Variants in PCDHGA3 observed in about 807,000 individuals in gnomAD.
PCDHGA3 encodes protocadherin gamma subfamily A, 3, also known as protocadherin gamma-A3.
In PCDHGA3, 40 loss-of-function variants were observed where a neutral mutation model predicts 58.5. The observed-to-expected ratio is 0.68, with a 90% confidence interval of 0.53 to 0.89. The LOEUF is 0.89. Ranked by LOEUF, PCDHGA3 falls within the 40% of genes least tolerant of loss-of-function variation. The pLI, the probability that PCDHGA3 is intolerant of heterozygous loss-of-function variation, is 0.00. For missense variants in PCDHGA3, 1,223 were observed against 1,195.9 expected (o/e 1.02, Z -0.33); for synonymous variants, 530 against 525.7 (o/e 1.01, Z -0.11).
In PCDHGA3 at chr5:141,431,814, T is replaced by C. The variant is rs1300319049; in HGVS notation, c.2425-62993T>C. 1 of 1,614,246 alleles carries C rather than the reference T, an allele frequency of 6.2e-7. No homozygotes were observed. Among genetic ancestry groups the C allele is most frequent in the Non-Finnish European group, 8.5e-7 (1 of 1,180,044 alleles). ...GCCCCAGAAGTGGTCCTCACCTCTC[T>C]CGCCAGCTCGGTTCCCGAAAACTCT... On this transcript the variant is annotated intron_variant, in intron 1 of 3. Coordinates refer to ENST00000253812, the MANE Select transcript of PCDHGA3 (RefSeq NM_018916.4). The surrounding 1 kb of genome is among the most constrained non-coding windows in gnomAD (Gnocchi z 4.8).
intron 1 of PCDHGA3, chr5:141,427,502 G>A (rs1276688816): frequency 1.7e-6 from 1 of 576,718 alleles, no homozygotes; most frequent in East Asian, 4.0e-5. Flanking sequence ...TAACAGATGG[G>A]ACCCTGGATT....
At chr5:141,401,721 C>T (rs2094186897) in intron 1 of PCDHGA3, among the ~76,000 whole-genome samples, 1 of 152,142 alleles carries the variant, frequency 6.6e-6, no homozygotes, top group Non-Finnish European at 1.5e-5. Flanking sequence ...AAGACAAAAA[C>T]TACTAGTCTT....
At chr5:141,413,355 C>G in intron 1 of PCDHGA3, 1 of 1,613,952 alleles carries the variant, frequency 6.2e-7, no homozygotes, top group Non-Finnish European at 8.5e-7. Context: ...GTCTGGCGCC[C>G]CGGGAGCTGG....
chr5:141,418,663 C>T, intron 1 of PCDHGA3: 1 of 1,613,960 alleles, frequency 6.2e-7, no homozygotes, highest in South Asian at 1.1e-5. Flanking sequence ...AGGCCACTGA[C>T]CAGGACGAGG....
chr5:141,353,837 G>A (rs1434826134), intron 1 of PCDHGA3, among the ~76,000 whole-genome samples: 1 of 152,124 alleles, frequency 6.6e-6, no homozygotes, highest in East Asian at 1.9e-4. Flanking sequence ...TGCGGTCTTT[G>A]AGGATTGTGA....
intron 1 of PCDHGA3, chr5:141,426,519 C>T: frequency 8.8e-6 from 3 of 341,848 alleles, no homozygotes; most frequent in South Asian, 6.9e-5. Flanking sequence ...TTACCGTGAA[C>T]ACGGAGAATG....
Position 141,431,325 on chromosome 5 carries a change from G to GT in PCDHGA3, c.2425-63481dup, listed in dbSNP as rs1340996903. On this transcript the variant is annotated intron_variant, in intron 1 of 3. Transcript: ENST00000253812. This position sits in a 1 kb window ranked among gnomAD's most constrained non-coding sequence, Gnocchi z 4.8. ...ATCGTGCAAAATGGAGCCGACGGTA[G>GT]TAAGTACCCCGAATTGGTGCTGAAA... 22 of 1,614,028 alleles carry GT rather than the reference G, an allele frequency of 1.4e-5. No homozygotes were observed. In the Admixed American group the frequency reaches 2.5e-4, roughly 18 times the overall value.
rs776211508 is a variant in PCDHGA3, at chr5:141,491,001, C to T, written c.2425-3806C>T. On this transcript the variant is annotated intron_variant, in intron 1 of 3. Transcript: ENST00000253812. The surrounding 1 kb of genome is among the most constrained non-coding windows in gnomAD (Gnocchi z 6.9). The stretch of plus-strand genomic sequence containing the variant: ...TCCCTCGCTCTGCTCCTCCTGGCTC[C>T]TTGGTCACCAAGGTGACAGCCGTGG... The T allele has an allele frequency of 6.2e-7, 1 of 1,614,140 alleles. No individual in the cohort carries two copies. Among genetic ancestry groups the T allele is most frequent in the Non-Finnish European group, 8.5e-7 (1 of 1,180,044 alleles).
At chr5:141,378,934 C>G (rs1228381656) in intron 1 of PCDHGA3, 3 of 152,166 alleles carry the variant, frequency 2.0e-5, no homozygotes, top group Non-Finnish European at 2.9e-5. Flanking sequence ...GTTGATGGCC[C>G]TGGAATGAAT....
intron 1 of PCDHGA3, chr5:141,440,464 G>C (rs2003094): frequency 1.3e-5 from 2 of 152,150 alleles, no homozygotes; most frequent in Admixed American, 6.5e-5. Context: ...ATGAACAAAC[G>C]GTAGTTGAAA....
intron 2 of PCDHGA3, among the ~76,000 whole-genome samples, chr5:141,498,039 A>G (rs2099781185): frequency 6.6e-6 from 1 of 152,264 alleles, no homozygotes; most frequent in Non-Finnish European, 1.5e-5. Flanking sequence ...CCAAATAATT[A>G]CAAAAATAAA....
intron 1 of PCDHGA3, among the ~76,000 whole-genome samples, chr5:141,454,796 ATTTTTTTTTTTTTTTTTTT>A (rs61612330): frequency 3.9e-5 from 3 of 77,408 alleles, no homozygotes; most frequent in African/African-American, 1.2e-4. Context: ...CATGGTTCTA[ATTTTTTTTTTTTTTTTTTT>A]TTTTTTTTTT....
rs780310968 is a variant in PCDHGA3 at position 141,414,168 on chromosome 5, T to G, written c.2424+67711T>G. The G allele has an allele frequency of 5.6e-6, 9 of 1,605,598 alleles. No individual in the cohort carries two copies. The African/African-American group carries it at 1.2e-4, about 21-fold the overall frequency. ...TACAAGCAGAAGATGGAGGAGCATA[T>G]CTTGCAACTGCAAAAGTGTTGATTA... On this transcript the variant is annotated intron_variant, in intron 1 of 3. Coordinates refer to ENST00000253812, the MANE Select transcript of PCDHGA3 (RefSeq NM_018916.4).
rs191188858 is a variant in PCDHGA3, at chr5:141,472,077, A to G, written c.2425-22730A>G. On this transcript the variant is annotated intron_variant, in intron 1 of 3. Transcript: ENST00000253812. ...GATTGACATGTCTGTGGTTATATCA[A>G]TGAGTACTATTATTATTCCCATTTT... 2.4e-3 allele frequency among the ~76,000 whole-genome samples: 365 copies of G among 152,346 alleles called. 2 individuals carry two copies. Among genetic ancestry groups the G allele is most frequent in the African/African-American group, 8.4e-3 (351 of 41,580 alleles).
intron 1 of PCDHGA3, chr5:141,370,225 C>G: frequency 1.7e-6 from 1 of 577,904 alleles, no homozygotes; most frequent in Admixed American, 3.6e-5. Context: ...CCGCTGCAGC[C>G]AGCTCGGAAG....
intron 1 of PCDHGA3, among the ~76,000 whole-genome samples, chr5:141,443,560 G>A (rs2098394386): frequency 6.6e-6 from 1 of 152,162 alleles, no homozygotes; most frequent in Non-Finnish European, 1.5e-5. Context: ...CAATTCAAAT[G>A]CTTTAAATGG....
chr5:141,399,431 T>C (rs757950073), intron 1 of PCDHGA3: 1 of 1,613,970 alleles, frequency 6.2e-7, no homozygotes, highest in Non-Finnish European at 8.5e-7. Flanking sequence ...ATAAGCGTCA[T>C]CCTACATATC....
intron 1 of PCDHGA3, chr5:141,351,564 C>A (rs1156892059): frequency 1.2e-6 from 2 of 1,613,956 alleles, no homozygotes; most frequent in Admixed American, 3.3e-5. Context: ...ACAAGCATCA[C>A]CCTGCACATC....
chr5:141,351,635 G>A (rs988435575), intron 1 of PCDHGA3: 1 of 1,614,044 alleles, frequency 6.2e-7, no homozygotes, highest in Admixed American at 1.7e-5. Context: ...CCACGTGTCT[G>A]AGAACAACCC....
Sources: gnomAD v4.1 joint callset for allele counts (sites outside exome capture counted in the v4.1 genomes callset) on GRCh38, gnomAD v4.1.1 for gene constraint, Gnocchi (gnomAD v3.1) non-coding constraint, MANE v1.5 for transcripts, NCBI Gene and HGNC (gene_info 2026-07-23, HGNC 2026-07-21) for gene names.